The following JARID2 variants were observed in gnomAD, a reference collection of about 807,000 sequenced individuals.
JARID2 encodes the protein protein Jumonji.
A neutral mutation model predicts 125.6 loss-of-function variants in JARID2; 21 were observed. The observed-to-expected ratio is 0.17, with a 90% CI of 0.12 to 0.24. JARID2 has a LOEUF of 0.24. Among genes scored for constraint, JARID2 ranks in the 10% least tolerant of loss-of-function variants. JARID2 has a pLI of 1.00. For missense variants in JARID2, 1,303 were observed against 1,639.6 expected, an observed-to-expected ratio of 0.79 and a Z score of 3.55; for synonymous variants, 736 against 661.6, an observed-to-expected ratio of 1.11 and a Z score of -1.73.
intron 6 of JARID2, among the ~76,000 whole-genome samples, chr6:15,495,697 ATGTG>A (rs1346109509): frequency 6.6e-6 from 1 of 152,278 alleles, no homozygotes; most frequent in East Asian, 1.9e-4. Context: ...GAACAGGGAT[ATGTG>A]TGTGTGTCTG....
Position 15,362,185 on chromosome 6 carries a change from G to A in JARID2, c.46-11932G>A, listed in dbSNP as rs1054602433. ...TTACAGACATGAGCTGCCCCACCAG[G>A]CCTGGAAGAGGAGTCATTTAATTTG... On this transcript the variant is annotated intron_variant, in intron 1 of 17. Transcript: ENST00000341776. Among the ~76,000 whole-genome samples the A allele has an allele frequency of 8.5e-5, 13 of 152,118 alleles. No homozygotes were observed. The East Asian group carries it at 2.5e-3, about 29-fold the overall frequency.
intron 3 of JARID2, among the ~76,000 whole-genome samples, chr6:15,414,632 T>C (rs997116639): frequency 9.9e-5 from 15 of 152,178 alleles, no homozygotes. Flanking sequence ...CTGTCTGCTG[T>C]GTTCACGGAA....
chr6:15,431,361 G>A (rs531524384), intron 3 of JARID2, among the ~76,000 whole-genome samples: 25 of 152,164 alleles, frequency 1.6e-4, no homozygotes, highest in Non-Finnish European at 2.6e-4. Flanking sequence ...GCTGCGATCC[G>A]TATGTCTCAT....
chr6:15,328,772 T>TC (rs1005032087), intron 1 of JARID2, among the ~76,000 whole-genome samples: 2 of 152,224 alleles, frequency 1.3e-5, no homozygotes, highest in Non-Finnish European at 2.9e-5. Context: ...CACGATGACT[T>TC]CATTTACACC....
chr6:15,417,289 G>C (rs6937283), intron 3 of JARID2, among the ~76,000 whole-genome samples: 1 of 151,938 alleles, frequency 6.6e-6, no homozygotes, highest in Non-Finnish European at 1.5e-5. Context: ...ACATTTACTT[G>C]TTGTGTTATA....
At chr6:15,347,076 T>C (rs1257491828) in intron 1 of JARID2, among the ~76,000 whole-genome samples, 1 of 152,204 alleles carries the variant, frequency 6.6e-6, no homozygotes, top group Non-Finnish European at 1.5e-5. Context: ...ATAGGTAGAC[T>C]GTTTTCTTAA....
At chr6:15,336,631 C>G (rs1476890034) in intron 1 of JARID2, among the ~76,000 whole-genome samples, 1 of 149,970 alleles carries the variant, frequency 6.7e-6, no homozygotes, top group African/African-American at 2.5e-5. Flanking sequence ...AGCATTGGTT[C>G]ACTAGTAAAA....
chr6:15,457,468 C>G (rs1010045181), intron 4 of JARID2, among the ~76,000 whole-genome samples: 1 of 152,108 alleles, frequency 6.6e-6, no homozygotes, highest in Non-Finnish European at 1.5e-5. Flanking sequence ...TGGGTGACAG[C>G]GAGCACTGTG....
At chr6:15,433,537 G>A (rs1767062371) in intron 3 of JARID2, among the ~76,000 whole-genome samples, 1 of 151,760 alleles carries the variant, frequency 6.6e-6, no homozygotes, top group South Asian at 2.1e-4. Context: ...CCTGATGTAA[G>A]CAACTTATTA....
At chr6:15,518,760 G>A (rs1039438641) in intron 17 of JARID2, among the ~76,000 whole-genome samples, 1 of 152,184 alleles carries the variant, frequency 6.6e-6, no homozygotes, top group African/African-American at 2.4e-5. Flanking sequence ...GGGATTACAG[G>A]CGTGAGCCAC....
intron 2 of JARID2, among the ~76,000 whole-genome samples, chr6:15,374,509 T>G (rs557595270): frequency 4.6e-5 from 7 of 152,372 alleles, no homozygotes; most frequent in African/African-American, 1.7e-4. Flanking sequence ...GGTTTTTCTA[T>G]ATGTATGTCT....
At chr6:15,499,074 C>T (rs769535085) in intron 7 of JARID2, among the ~76,000 whole-genome samples, 1 of 152,160 alleles carries the variant, frequency 6.6e-6, no homozygotes, top group Non-Finnish European at 1.5e-5. Context: ...CTGTGCCTCC[C>T]TGTGGTGTGC....
intron 1 of JARID2, among the ~76,000 whole-genome samples, chr6:15,256,007 C>G (rs1284376231): frequency 6.6e-6 from 1 of 152,160 alleles, no homozygotes; most frequent in Non-Finnish European, 1.5e-5. Flanking sequence ...TACAACCTCG[C>G]TGAGCTATTT....
At position 15,462,704 on chromosome 6, in the gene JARID2, T is replaced by C. The variant is rs1370742195; in HGVS notation, c.494-5838T>C. Among the ~76,000 whole-genome samples the C allele has an allele frequency of 2.6e-5, 4 of 152,224 alleles. No homozygotes were observed. The East Asian group carries it at 5.8e-4, about 22-fold the overall frequency. ...ATTTGACTCTGCAGCTAAATGACAG[T>C]GCACAGGGAATCCCTCTAGGGTCTT... On this transcript the variant is annotated intron_variant, in intron 4 of 17. Coordinates refer to ENST00000341776, the MANE Select transcript of JARID2 (RefSeq NM_004973.4).
intron 2 of JARID2, among the ~76,000 whole-genome samples, chr6:15,407,900 GA>G (rs1765715886): frequency 6.6e-6 from 1 of 152,174 alleles, no homozygotes; most frequent in African/African-American, 2.4e-5. Flanking sequence ...GATAAATTCA[GA>G]ATTGATCCCT....
At chr6:15,516,033 A>T (rs1397283385) in intron 16 of JARID2, among the ~76,000 whole-genome samples, 1 of 151,828 alleles carries the variant, frequency 6.6e-6, no homozygotes, top group Non-Finnish European at 1.5e-5. Flanking sequence ...CCATAGGCAA[A>T]AATTGGGGTT....
intron 3 of JARID2, among the ~76,000 whole-genome samples, chr6:15,422,415 G>C (rs1486678479): frequency 6.6e-6 from 1 of 152,170 alleles, no homozygotes; most frequent in Non-Finnish European, 1.5e-5. Context: ...GATCAGCAAG[G>C]TGAACCTGAG....
chr6:15,282,552 C>G (rs1193135538), intron 1 of JARID2, among the ~76,000 whole-genome samples: 1 of 151,380 alleles, frequency 6.6e-6, no homozygotes, highest in African/African-American at 2.4e-5. Context: ...CTCTCTCTGT[C>G]TTTGTCTTTC....
intron 1 of JARID2, among the ~76,000 whole-genome samples, chr6:15,291,777 A>G (rs1477284563): frequency 2.0e-5 from 3 of 152,204 alleles, no homozygotes; most frequent in African/African-American, 4.8e-5. Context: ...ACCCCACACA[A>G]ATGTTGTAAA....
Sources: gnomAD v4.1 joint callset for allele counts (sites outside exome capture counted in the v4.1 genomes callset) on GRCh38, gnomAD v4.1.1 for gene constraint, MANE v1.5 for transcripts, NCBI Gene and HGNC (gene_info 2026-07-23, HGNC 2026-07-21) for gene names.